CPSF6: variants seen among roughly 807,000 people sequenced by gnomAD.
CPSF6 encodes the protein cleavage and polyadenylation specificity factor subunit 6.
Under a neutral mutation model 56.7 loss-of-function variants are expected in CPSF6, and 10 were observed. The ratio of observed to expected loss-of-function variants is 0.18; its 90% CI spans 0.11 to 0.30. CPSF6 has a LOEUF of 0.30. Among genes scored for constraint, CPSF6 ranks in the 10% least tolerant of loss-of-function variants. CPSF6 has a pLI of 1.00. For missense variants in CPSF6, 419 were observed against 722.9 expected, an observed-to-expected ratio of 0.58 and a Z score of 4.82; for synonymous variants, 248 against 244.8, an observed-to-expected ratio of 1.01 and a Z score of -0.12.
chr12:69,259,286 AG>A, intron 6 of CPSF6, 141 bp from the exon 7 acceptor site: 1 of 1,278,706 alleles, frequency 7.8e-7, no homozygotes. Flanking sequence ...TTGTTGGAAA[AG>A]TAGCATGCTT....
Position 69,258,840 on chromosome 12 carries a change from ACCACCT to A in CPSF6, c.955_960del (p.Pro319_Pro320del). The A allele has an allele frequency of 3.1e-6, 5 of 1,613,686 alleles. No individual in the cohort carries two copies. Among genetic ancestry groups the A allele is most frequent in the Non-Finnish European group, 4.2e-6 (5 of 1,179,820 alleles). On this transcript the variant is annotated inframe_deletion, in exon 6 of 10. Transcript: ENST00000435070. The surrounding 1 kb of genome is among the most constrained non-coding windows in gnomAD (Gnocchi z 4.2). ...CTGGCCCACCACCTCCACAACAGGGACCACCTCCACCTCCAGGCCCCTTTCCACCTC... is the reference window on the plus strand; with the variant it reads ...CTGGCCCACCACCTCCACAACAGGGACCACCTCCAGGCCCCTTTCCACCTC...
chr12:69,271,460 C>T lies in CPSF6; in HGVS notation c.*1952C>T, dbSNP rs1873237236. 1 of 151,600 alleles carries T rather than the reference C, an allele frequency of 6.6e-6. No homozygotes were observed. Among genetic ancestry groups the T allele is most frequent in the Non-Finnish European group, 1.5e-5 (1 of 67,618 alleles). The allele number at this position is 151,600 out of a possible 1,614,324, so 9.4% of individuals were successfully genotyped here. A position where few individuals can be genotyped will look rare whatever the true frequency, so the allele number is the denominator to read the frequency against. Reference sequence around the variant, plus strand: ...TCTTTGAACAGTTTAAAAATGGAATCACAAAAATCTAACTGCACTTGAAAT... The same window carrying T: ...TCTTTGAACAGTTTAAAAATGGAATTACAAAAATCTAACTGCACTTGAAAT... On this transcript the variant is annotated 3_prime_UTR_variant, in exon 10 of 10. Transcript: ENST00000435070.
intron 1 of CPSF6, among the ~76,000 whole-genome samples, chr12:69,247,329 G>T (rs188918835): frequency 3.3e-5 from 5 of 151,148 alleles, no homozygotes; most frequent in African/African-American, 9.7e-5. Flanking sequence ...AAGAATGATT[G>T]TAGTGATTTA....
intron 3 of CPSF6, among the ~76,000 whole-genome samples, chr12:69,254,599 A>G (rs1286163282): frequency 6.6e-6 from 1 of 152,164 alleles, no homozygotes; most frequent in Admixed American, 6.5e-5. Context: ...TTTGTTCTCT[A>G]TTACTTCTCC....
In CPSF6 at chr12:69,273,814, A is replaced by T. The variant is rs966374768; in HGVS notation, c.*4306A>T. 6.6e-6 allele frequency: 1 copy of T among 151,550 alleles called. No individual in the cohort carries two copies. Among genetic ancestry groups the T allele is most frequent in the Non-Finnish European group, 1.5e-5 (1 of 67,730 alleles). The allele number at this position is 151,550 out of a possible 1,614,324, so 9.4% of individuals were successfully genotyped here. ...CTATAACATTGATAACTTTAGCCTT[A>T]AAAAAAAGGTCTATTATTCCTTCCT... On this transcript the variant is annotated 3_prime_UTR_variant, in exon 10 of 10. Transcript: ENST00000435070.
chr12:69,250,364 C>A (rs1484379724), intron 1 of CPSF6, among the ~76,000 whole-genome samples: 1 of 151,576 alleles, frequency 6.6e-6, no homozygotes, highest in Non-Finnish European at 1.5e-5. Context: ...AGAGTATTTC[C>A]AAGGAAAGTT....
intron 1 of CPSF6, 23 bp downstream of exon 1, chr12:69,239,729 G>A (rs2120376870): frequency 1.3e-6 from 2 of 1,564,530 alleles, no homozygotes; most frequent in East Asian, 2.5e-5. Flanking sequence ...CCAGGTCCCC[G>A]CCGCCGACGC....
At chr12:69,243,996 G>C (rs559308487) in intron 1 of CPSF6, among the ~76,000 whole-genome samples, 8 of 151,942 alleles carry the variant, frequency 5.3e-5, no homozygotes, top group Non-Finnish European at 4.4e-5. Context: ...ACCATGCCTG[G>C]CTAATTTCAA....
At chr12:69,256,880 A>G in intron 4 of CPSF6, 38 bp downstream of exon 4, 4 of 1,543,976 alleles carry the variant, frequency 2.6e-6, no homozygotes, top group Non-Finnish European at 3.5e-6. Flanking sequence ...AAATATGTAC[A>G]TTTTAACCAG....
Position 69,273,311 on chromosome 12 carries a change from T to C in CPSF6, c.*3803T>C. 3.2e-6 allele frequency: 1 copy of C among 314,088 alleles called. No individual in the cohort carries two copies. The highest frequency in any genetic ancestry group is 6.6e-6 in the Non-Finnish European group (1 of 152,420). 19.5% of individuals were successfully genotyped at this position (314,088 alleles called of 1,614,324 possible). A position where few individuals can be genotyped will look rare whatever the true frequency, so the allele number is the denominator to read the frequency against. On this transcript the variant is annotated 3_prime_UTR_variant, in exon 10 of 10. Transcript: ENST00000435070. ...ATTTCAGGTTGTGGCATTCACTGAGTATGCAGCTACTATGGTTTTTGTATG... is the reference window on the plus strand; with the variant it reads ...ATTTCAGGTTGTGGCATTCACTGAGCATGCAGCTACTATGGTTTTTGTATG...
rs1261670080 is a variant in CPSF6, at chr12:69,254,625, C to T, written c.374+1471C>T. On this transcript the variant is annotated intron_variant, in intron 3 of 9. Coordinates refer to ENST00000435070, the MANE Select transcript of CPSF6 (RefSeq NM_007007.3). Reference sequence around the variant, plus strand: ...TTACTTCTCCAGCTCTAGAATGGTACCTTGCGTATAAGAAGTGGTGCTTAA... The same window carrying T: ...TTACTTCTCCAGCTCTAGAATGGTATCTTGCGTATAAGAAGTGGTGCTTAA... 3.3e-5 allele frequency among the ~76,000 whole-genome samples: 5 copies of T among 152,132 alleles called. No homozygotes were observed. The East Asian group carries it at 9.6e-4, about 29-fold the overall frequency.
chr12:69,253,785 A>G (rs1029662768), intron 3 of CPSF6, among the ~76,000 whole-genome samples: 8 of 152,186 alleles, frequency 5.3e-5, no homozygotes, highest in South Asian at 2.1e-4. Context: ...ATTCTTTTGC[A>G]TCATACCTGG....
At chr12:69,248,763 C>T (rs1257796153) in intron 1 of CPSF6, among the ~76,000 whole-genome samples, 1 of 151,990 alleles carries the variant, frequency 6.6e-6, no homozygotes, top group East Asian at 1.9e-4. Context: ...ATCCCAGACC[C>T]CTTATTAAAT....
In CPSF6 at chr12:69,254,760, C is replaced by T. The variant is rs374198170; in HGVS notation, c.374+1606C>T. ...AAATAAGAAGGATAATTTAAAAGATCATATTGAACATTAGGGGGAAAAGAG... is the reference window on the plus strand; with the variant it reads ...AAATAAGAAGGATAATTTAAAAGATTATATTGAACATTAGGGGGAAAAGAG... On this transcript the variant is annotated intron_variant, in intron 3 of 9. Coordinates refer to ENST00000435070, the MANE Select transcript of CPSF6 (RefSeq NM_007007.3). 3.9e-5 allele frequency among the ~76,000 whole-genome samples: 6 copies of T among 152,238 alleles called. No homozygotes were observed. The East Asian group carries it at 7.7e-4, about 20-fold the overall frequency.
intron 4 of CPSF6, 64 bp from the exon 5 acceptor site, chr12:69,257,668 A>T: frequency 6.9e-7 from 1 of 1,444,828 alleles, no homozygotes; most frequent in Non-Finnish European, 9.5e-7. Context: ...TTTTAATAAT[A>T]GTGGTTACAT....
At chr12:69,240,636 T>TA (rs1565640486) in intron 1 of CPSF6, among the ~76,000 whole-genome samples, 1 of 152,204 alleles carries the variant, frequency 6.6e-6, no homozygotes, top group African/African-American at 2.4e-5. Context: ...GGTTTAAAAA[T>TA]AAAGAGTTAT....
Position 69,273,901 on chromosome 12 carries a change from T to C in CPSF6, c.*4393T>C, listed in dbSNP as rs980688218. The C allele has an allele frequency of 6.6e-6, 1 of 151,944 alleles. No homozygotes were observed. The highest frequency in any genetic ancestry group is 1.5e-5 in the Non-Finnish European group (1 of 67,850). 9.4% of individuals were successfully genotyped at this position (151,944 alleles called of 1,614,324 possible). A position where few individuals can be genotyped will look rare whatever the true frequency, so the allele number is the denominator to read the frequency against. ...CCCTGTACAGCCTTACAAAGTTGTTTTACAATTTTTAATGGAAAGCCCTTA... is the reference window on the plus strand; with the variant it reads ...CCCTGTACAGCCTTACAAAGTTGTTCTACAATTTTTAATGGAAAGCCCTTA... On this transcript the variant is annotated 3_prime_UTR_variant, in exon 10 of 10. Coordinates refer to ENST00000435070, the MANE Select transcript of CPSF6 (RefSeq NM_007007.3).
chr12:69,258,056 T>G lies in CPSF6; in HGVS notation c.694+151T>G. Reference sequence around the variant, plus strand: ...CCAGGAAATTTGATCAAGCATCTTGTTAAAGGAACTCGGCCTTTGTTCCTG... The same window carrying G: ...CCAGGAAATTTGATCAAGCATCTTGGTAAAGGAACTCGGCCTTTGTTCCTG... On this transcript the variant is annotated intron_variant, in intron 5 of 9. Transcript: ENST00000435070. This position sits in a 1 kb window ranked among gnomAD's most constrained non-coding sequence, Gnocchi z 4.2. The G allele has an allele frequency of 6.5e-7, 1 of 1,539,206 alleles. No homozygotes were observed. Among genetic ancestry groups the G allele is most frequent in the Non-Finnish European group, 8.7e-7 (1 of 1,146,710 alleles).
At chr12:69,240,053 T>A (rs1157560457) in intron 1 of CPSF6, among the ~76,000 whole-genome samples, 1 of 150,920 alleles carries the variant, frequency 6.6e-6, no homozygotes, top group Non-Finnish European at 1.5e-5. Context: ...GGGCCGCGTG[T>A]AAGCGGCGGA....
Sources: gnomAD v4.1 joint callset for allele counts (sites outside exome capture counted in the v4.1 genomes callset) on GRCh38, gnomAD v4.1.1 for gene constraint, Gnocchi (gnomAD v3.1) non-coding constraint, MANE v1.5 for transcripts, NCBI Gene and HGNC (gene_info 2026-07-23, HGNC 2026-07-21) for gene names.